Variants in ANKRD11 observed in about 807,000 individuals in gnomAD.
ANKRD11 encodes the protein ankyrin repeat domain 11.
In ANKRD11, 17 loss-of-function variants were observed where a neutral mutation model predicts 195.7. That is an observed-to-expected ratio of 0.09 (90% CI 0.06 to 0.13). ANKRD11 has a LOEUF of 0.13. Among genes scored for constraint, ANKRD11 ranks in the 10% least tolerant of loss-of-function variants. ANKRD11 has a pLI of 1.00. For missense variants in ANKRD11, 3,735 were observed against 3,566.1 expected, an observed-to-expected ratio of 1.05 and a Z score of -1.21; for synonymous variants, 1,953 against 1,528.1, an observed-to-expected ratio of 1.28 and a Z score of -6.49.
chr16:89,450,987 G>A (rs768712212), intron 1 of ANKRD11, among the ~76,000 whole-genome samples: 4 of 152,188 alleles, frequency 2.6e-5, no homozygotes, highest in Non-Finnish European at 4.4e-5. Flanking sequence ...TGATCGGGGT[G>A]ATCAGAGGTG....
At position 89,367,216 on chromosome 16, in the gene ANKRD11, C is replaced by G. The variant is rs374857475; in HGVS notation, c.-59-50138G>C. Among the ~76,000 whole-genome samples the G allele has an allele frequency of 5.3e-4, 81 of 152,354 alleles. 1 individual carries two copies. The South Asian group carries it at 0.015, about 28-fold the overall frequency. On this transcript the variant is annotated intron_variant, in intron 2 of 12. Transcript: ENST00000301030. ...CTTCGTGTTTCCCATCGAAACACAACAGTCCACTCCACGTGGGAGTTCAGC... is the reference window on the plus strand; with the variant it reads ...CTTCGTGTTTCCCATCGAAACACAAGAGTCCACTCCACGTGGGAGTTCAGC...
intron 1 of ANKRD11, among the ~76,000 whole-genome samples, chr16:89,419,504 C>T (rs1311819709): frequency 1.3e-5 from 2 of 151,094 alleles, no homozygotes; most frequent in East Asian, 3.9e-4. Flanking sequence ...CCCTGAAGAG[C>T]TCTGGGGACT....
intron 2 of ANKRD11, among the ~76,000 whole-genome samples, chr16:89,337,538 G>A (rs2038434405): frequency 7.3e-6 from 1 of 136,618 alleles, no homozygotes; most frequent in South Asian, 2.4e-4. Flanking sequence ...CCGGGTTCAC[G>A]CCATTCTCCT....
At chr16:89,311,717 G>C (rs1402281224) in intron 3 of ANKRD11, among the ~76,000 whole-genome samples, 1 of 152,164 alleles carries the variant, frequency 6.6e-6, no homozygotes, top group Non-Finnish European at 1.5e-5. Context: ...ATATTAAATA[G>C]AATGGACCTC....
intron 2 of ANKRD11, among the ~76,000 whole-genome samples, chr16:89,325,465 TCTCTCA>T (rs1037370260): frequency 1.9e-4 from 26 of 139,442 alleles, no homozygotes; most frequent in South Asian, 1.8e-3. Context: ...TCTCTCTCTC[TCTCTCA>T]CACACACACA....
chr16:89,397,345 T>A lies in ANKRD11; in HGVS notation c.-60+20939A>T, dbSNP rs546520070. Among the ~76,000 whole-genome samples the A allele has an allele frequency of 1.3e-4, 20 of 152,324 alleles. No homozygotes were observed. The South Asian group carries it at 1.4e-3, about 11-fold the overall frequency. ...TCCACGGATTCCACCGTAAGTGCTG[T>A]CAACTGGATGCGCATTTACAAAATC... On this transcript the variant is annotated intron_variant, in intron 2 of 12. Coordinates refer to ENST00000301030, the MANE Select transcript of ANKRD11 (RefSeq NM_013275.6).
intron 2 of ANKRD11, among the ~76,000 whole-genome samples, chr16:89,390,223 G>A (rs111504576): frequency 0.053 from 1,930 of 36,434 alleles, no homozygotes; most frequent in African/African-American, 0.094. Context: ...AGTGTGGCGG[G>A]GAGCACCGAG....
At chr16:89,347,729 G>C (rs1233116867) in intron 2 of ANKRD11, among the ~76,000 whole-genome samples, 2 of 151,864 alleles carry the variant, frequency 1.3e-5, no homozygotes, top group Non-Finnish European at 2.9e-5. Context: ...CAGTAATAAA[G>C]GTTACTTTTT....
At chr16:89,471,197 T>TA (rs930782568) in intron 1 of ANKRD11, among the ~76,000 whole-genome samples, 36 of 150,964 alleles carry the variant, frequency 2.4e-4, no homozygotes, top group South Asian at 1.0e-3. Flanking sequence ...GTTTTAAAAG[T>TA]AAAAAAAAAT....
At chr16:89,397,672 TAC>T (rs940531921) in intron 2 of ANKRD11, among the ~76,000 whole-genome samples, 1 of 152,250 alleles carries the variant, frequency 6.6e-6, no homozygotes, top group African/African-American at 2.4e-5. Flanking sequence ...TTCCCAGTTT[TAC>T]AGTGTGCTTT....
chr16:89,345,942 G>C (rs1408180010), intron 2 of ANKRD11, among the ~76,000 whole-genome samples: 2 of 152,142 alleles, frequency 1.3e-5, no homozygotes, highest in African/African-American at 2.4e-5. Flanking sequence ...TCTGAGTAAA[G>C]AACAAGAATC....
Position 89,408,582 on chromosome 16 carries a change from C to CA in ANKRD11, c.-60+9701dup, listed in dbSNP as rs1223527520. 1.2e-4 allele frequency among the ~76,000 whole-genome samples: 18 copies of CA among 152,316 alleles called. No individual in the cohort carries two copies. The East Asian group carries it at 3.3e-3, about 28-fold the overall frequency. ...AGGCTGACGAGCGTGAGCACTGCCCCACACACACTCAGACCCTCAGGAAGA... is the reference window on the plus strand; with the variant it reads ...AGGCTGACGAGCGTGAGCACTGCCCCAACACACACTCAGACCCTCAGGAAGA... On this transcript the variant is annotated intron_variant, in intron 2 of 12. Coordinates refer to ENST00000301030, the MANE Select transcript of ANKRD11 (RefSeq NM_013275.6).
chr16:89,340,106 T>A (rs1485686359), intron 2 of ANKRD11: 3 of 152,232 alleles, frequency 2.0e-5, no homozygotes, highest in Non-Finnish European at 2.9e-5. Flanking sequence ...AACACTAAAA[T>A]GAGTATTTGT....
chr16:89,441,779 A>AAAAAAAAC (rs2043509035), intron 1 of ANKRD11, among the ~76,000 whole-genome samples: 1 of 107,608 alleles, frequency 9.3e-6, no homozygotes. Flanking sequence ...AAAAAAAAAA[A>AAAAAAAAC]AAAAAAAAAA....
chr16:89,478,994 G>A (rs895388895), intron 1 of ANKRD11, among the ~76,000 whole-genome samples: 8 of 151,968 alleles, frequency 5.3e-5, no homozygotes, highest in Non-Finnish European at 1.2e-4. Flanking sequence ...TCTGTCACCG[G>A]GGCTAGAGAC....
intron 2 of ANKRD11, among the ~76,000 whole-genome samples, chr16:89,399,164 C>G (rs1279337577): frequency 1.3e-5 from 2 of 152,180 alleles, no homozygotes; most frequent in Admixed American, 6.5e-5. Flanking sequence ...CGAGTCCACG[C>G]AAGGACACCT....
At chr16:89,480,116 A>C (rs2057396566) in intron 1 of ANKRD11, among the ~76,000 whole-genome samples, 1 of 151,282 alleles carries the variant, frequency 6.6e-6, no homozygotes, top group African/African-American at 2.4e-5. Context: ...GTCTCAAAAA[A>C]AAAAAATTAA....
rs997184151 is a variant in ANKRD11, at chr16:89,490,440, CG to C, written c.-341del. 11 of 349,082 alleles carry C rather than the reference CG, an allele frequency of 3.2e-5. No individual in the cohort carries two copies. The highest frequency in any genetic ancestry group is 2.2e-4 in the African/African-American group (10 of 46,182). The allele number at this position is 349,082 out of a possible 1,614,324, so 21.6% of individuals were successfully genotyped here. A position where few individuals can be genotyped will look rare whatever the true frequency, so the allele number is the denominator to read the frequency against. ...CCGCCCCTCGGGCGCGCCCACGGCT[CG>C]GGCGAGAGCCGCGGCTCCCGGTGCG... On this transcript the variant is annotated 5_prime_UTR_variant, in exon 1 of 13. Coordinates refer to ENST00000301030, the MANE Select transcript of ANKRD11 (RefSeq NM_013275.6).
chr16:89,345,300 C>T (rs549820306), intron 2 of ANKRD11, among the ~76,000 whole-genome samples: 55 of 128,720 alleles, frequency 4.3e-4, no homozygotes, highest in Non-Finnish European at 7.3e-4. Flanking sequence ...TCACGACAAA[C>T]GGATGGAAAG....
Sources: allele counts gnomAD v4.1 joint callset (sites outside exome capture counted in the v4.1 genomes callset), GRCh38; gene constraint gnomAD v4.1.1; transcripts MANE v1.5; gene names NCBI Gene and HGNC (gene_info 2026-07-23, HGNC 2026-07-21).